Variants in MS4A7 observed in about 807,000 individuals in gnomAD.
MS4A7 encodes membrane spanning 4-domains A7, also known as membrane-spanning 4-domains subfamily A member 7.
In MS4A7, 21 loss-of-function variants were observed where a neutral mutation model predicts 23.5. That is an observed-to-expected ratio of 0.89 (90% confidence interval 0.63 to 1.29). The LOEUF is 1.29. Ranked by LOEUF, MS4A7 falls within the 50% of genes most tolerant of loss-of-function variation. The pLI, the probability that MS4A7 is intolerant of heterozygous loss-of-function variation, is 0.00. For missense variants in MS4A7, 263 were observed against 274.2 expected, an observed-to-expected ratio of 0.96 and a Z score of 0.29; for synonymous variants, 111 against 107.4, an observed-to-expected ratio of 1.03 and a Z score of -0.21.
intron 6 of MS4A7, among the ~76,000 whole-genome samples, chr11:60,393,266 C>A (rs993918040): frequency 6.6e-6 from 1 of 152,112 alleles, no homozygotes; most frequent in Non-Finnish European, 1.5e-5. Flanking sequence ...ATAGCCCAAC[C>A]CCTCATGAAA....
chr11:60,385,055 T>C, intron 2 of MS4A7, 33 bp from the exon 3 acceptor site: 1 of 1,600,394 alleles, frequency 6.2e-7, no homozygotes, highest in Non-Finnish European at 8.6e-7. Flanking sequence ...CTGTTTGAAG[T>C]GCAGTCTAGA....
chr11:60,382,515 A>G (rs181976753), intron 1 of MS4A7, among the ~76,000 whole-genome samples: 2 of 152,358 alleles, frequency 1.3e-5, no homozygotes, highest in African/African-American at 4.8e-5. Flanking sequence ...TAGAGCTGCA[A>G]TGGTCTAATG....
intron 3 of MS4A7, 188 bp from the exon 4 acceptor site, chr11:60,386,529 G>C: frequency 2.0e-6 from 1 of 499,266 alleles, no homozygotes; most frequent in Non-Finnish European, 3.6e-6. Flanking sequence ...GTCATTCAAA[G>C]TCAATATAGA....
chr11:60,378,956 T>A (rs77759503), intron 1 of MS4A7, among the ~76,000 whole-genome samples: 7,392 of 152,362 alleles, frequency 0.049, 237 homozygotes, highest in South Asian at 0.15. Context: ...GCAATTAGAC[T>A]GAATCTTGCA....
intron 1 of MS4A7, among the ~76,000 whole-genome samples, chr11:60,380,826 TCAA>T (rs2085420642): frequency 6.6e-6 from 1 of 152,156 alleles, no homozygotes; most frequent in African/African-American, 2.4e-5. Flanking sequence ...AGCCAATGCT[TCAA>T]CAATAGGGGA....
chr11:60,378,848 A>T (rs148842698), intron 1 of MS4A7, among the ~76,000 whole-genome samples, 184 bp downstream of exon 1: 6 of 152,340 alleles, frequency 3.9e-5, no homozygotes, highest in Non-Finnish European at 8.8e-5. Context: ...GGGTAAAACC[A>T]TTCTTAGGTT....
intron 5 of MS4A7, 25 bp downstream of exon 5, chr11:60,389,621 C>T (rs1301428804): frequency 6.3e-7 from 1 of 1,594,566 alleles, no homozygotes; most frequent in Non-Finnish European, 8.6e-7. Flanking sequence ...ACTGAATATC[C>T]TGTCATGTGA....
At chr11:60,384,457 G>A (rs1339083396) in intron 2 of MS4A7, among the ~76,000 whole-genome samples, 2 of 152,066 alleles carry the variant, frequency 1.3e-5, no homozygotes. Context: ...TCATTCCCTC[G>A]TGCCTGGCAC....
chr11:60,383,205 C>T lies in MS4A7; in HGVS notation c.64C>T (p.Pro22Ser). ...HSFTPKGITIPQREKPGHMYQ... is the reference protein window; with the variant it reads ...HSFTPKGITISQREKPGHMYQ... ...CTTTACACCAAAGGGCATCACTATC[C>T]CTCAAAGAGAGAAACCTGGACACAT... The change falls in exon 2 of 7, where the codon CCT becomes TCT. Residue 22 changes from proline to serine, a missense_variant. By Grantham distance (74) the Pro-to-Ser change is moderately conservative (BLOSUM62 -1). Coordinates refer to ENST00000300184, the MANE Select transcript of MS4A7 (RefSeq NM_021201.5). 6.2e-7 allele frequency: 1 copy of T among 1,614,144 alleles called. No homozygotes were observed. Among genetic ancestry groups the T allele is most frequent in the Non-Finnish European group, 8.5e-7 (1 of 1,180,010 alleles).
At chr11:60,388,644 G>A (rs999912682) in intron 4 of MS4A7, among the ~76,000 whole-genome samples, 4 of 152,180 alleles carry the variant, frequency 2.6e-5, no homozygotes, top group Non-Finnish European at 4.4e-5. Context: ...GAGAAAGGCT[G>A]CTACGGAGAG....
intron 1 of MS4A7, among the ~76,000 whole-genome samples, chr11:60,380,968 A>G (rs1316062771): frequency 9.2e-5 from 14 of 152,196 alleles, no homozygotes; most frequent in Non-Finnish European, 2.1e-4. Context: ...TAGATAAGCA[A>G]TCTTGCACAA....
intron 5 of MS4A7, among the ~76,000 whole-genome samples, chr11:60,391,761 A>G (rs2085553582): frequency 1.3e-5 from 2 of 152,098 alleles, no homozygotes; most frequent in South Asian, 4.1e-4. Flanking sequence ...TCTACTAAAA[A>G]TACAAAAATT....
intron 5 of MS4A7, among the ~76,000 whole-genome samples, chr11:60,390,589 C>G (rs1484713177): frequency 1.3e-5 from 2 of 152,082 alleles, no homozygotes; most frequent in Admixed American, 6.6e-5. Flanking sequence ...AGCACAGAGA[C>G]CTGTCTGGAG....
chr11:60,386,544 C>T, intron 3 of MS4A7, 173 bp from the exon 4 acceptor site: 1 of 535,798 alleles, frequency 1.9e-6, no homozygotes, highest in Non-Finnish European at 3.3e-6. Context: ...TATAGACATT[C>T]TTATATCAGG....
chr11:60,389,085 G>T, intron 4 of MS4A7: 1 of 267,088 alleles, frequency 3.7e-6, no homozygotes, highest in Admixed American at 4.9e-5. Flanking sequence ...GGAGATGTTG[G>T]CAGTGACCTG....
At chr11:60,386,691 TG>T in intron 3 of MS4A7, 25 bp from the exon 4 acceptor site, 1 of 1,592,900 alleles carries the variant, frequency 6.3e-7, no homozygotes, top group East Asian at 2.2e-5. Context: ...ACAACTGAAC[TG>T]ATCATTTCTC....
At chr11:60,388,448 T>C (rs543029510) in intron 4 of MS4A7, among the ~76,000 whole-genome samples, 5 of 152,354 alleles carry the variant, frequency 3.3e-5, no homozygotes, top group African/African-American at 1.2e-4. Context: ...CAATGAATGC[T>C]GTGAACTCTT....
Position 60,383,220 on chromosome 11 carries a change from C to A in MS4A7, c.79C>A (p.Pro27Thr). Residue 27 changes from proline to threonine, a missense_variant, in exon 2 of 7, where the codon CCT (proline) becomes ACT (threonine). Pro to Thr is a conservative substitution (Grantham distance 38). Transcript: ENST00000300184. Reference protein sequence around the residue: ...KGITIPQREKPGHMYQNEDYL... With the variant: ...KGITIPQREKTGHMYQNEDYL... ...CATCACTATCCCTCAAAGAGAGAAA[C>A]CTGGACACATGTACCAAAACGAAGA... 1 of 1,614,146 alleles carries A rather than the reference C, an allele frequency of 6.2e-7. No individual in the cohort carries two copies.
Position 60,393,926 on chromosome 11 carries a change from T to TC in MS4A7, c.*67dup, listed in dbSNP as rs1255265179. On this transcript the variant is annotated 3_prime_UTR_variant, in exon 7 of 7. Coordinates refer to ENST00000300184, the MANE Select transcript of MS4A7 (RefSeq NM_021201.5). ...CTCATGGTCAAGTGTGATTAGACTTTCCTGAAATCTCTGCCATTTTAGATA... is the reference window on the plus strand; with the variant it reads ...CTCATGGTCAAGTGTGATTAGACTTTCCCTGAAATCTCTGCCATTTTAGATA... 13 of 1,039,322 alleles carry TC rather than the reference T, an allele frequency of 1.3e-5. No homozygotes were observed. Among genetic ancestry groups the TC allele is most frequent in the Non-Finnish European group, 1.8e-5 (13 of 717,144 alleles). The allele number at this position is 1,039,322 out of a possible 1,614,324, so 64.4% of individuals were successfully genotyped here.
Sources: gnomAD v4.1 joint callset for allele counts (sites outside exome capture counted in the v4.1 genomes callset) on GRCh38, gnomAD v4.1.1 for gene constraint, MANE v1.5 for transcripts, NCBI Gene and HGNC (gene_info 2026-07-23, HGNC 2026-07-21) for gene names.